Variants in NEGR1 observed in about 807,000 individuals in gnomAD.
The protein encoded by NEGR1 is neuronal growth regulator 1.
A neutral mutation model predicts 40.9 loss-of-function variants in NEGR1; 10 were observed. The observed-to-expected ratio is 0.24, with a 90% CI of 0.15 to 0.42. The LOEUF (loss-of-function observed/expected upper bound fraction) is 0.42. NEGR1 is among the 10% of genes least tolerant of loss of function. NEGR1 has a pLI of 1.00. For synonymous variants in NEGR1, 185 were observed against 166.8 expected (o/e 1.11, Z -0.84); for missense variants, 352 against 438.9 (o/e 0.80, Z 1.77).
intron 1 of NEGR1, among the ~76,000 whole-genome samples, chr1:72,081,158 G>A (rs1450334377): frequency 2.0e-5 from 3 of 152,044 alleles, no homozygotes; most frequent in African/African-American, 7.2e-5. Context: ...CAATTTAGGA[G>A]ATACTAGGAA....
chr1:71,841,627 T>G lies in NEGR1; in HGVS notation c.410-65330A>C, dbSNP rs1036953004. On this transcript the variant is annotated intron_variant, in intron 2 of 6. Coordinates refer to ENST00000357731, the MANE Select transcript of NEGR1 (RefSeq NM_173808.3). ...TCTGCAGCCACACTGGTGGAAAGAT[T>G]AGGTAGCCTCTCAAACCTTCCAGTT... Among the ~76,000 whole-genome samples the G allele has an allele frequency of 2.0e-5, 3 of 152,266 alleles. No homozygotes were observed. In the East Asian group the frequency reaches 5.8e-4, roughly 30 times the overall value.
chr1:71,916,067 GT>G (rs917601714), intron 2 of NEGR1, among the ~76,000 whole-genome samples: 4 of 152,138 alleles, frequency 2.6e-5, no homozygotes, highest in Admixed American at 6.5e-5. Context: ...GAGGGTAAGG[GT>G]GGGCAAAAGA....
chr1:71,597,716 GGC>G (rs1649771142), intron 5 of NEGR1, among the ~76,000 whole-genome samples: 1 of 151,670 alleles, frequency 6.6e-6, no homozygotes, highest in Admixed American at 6.6e-5. Flanking sequence ...ATACCAGCCT[GGC>G]CAACAGGGTG....
intron 6 of NEGR1, among the ~76,000 whole-genome samples, chr1:71,538,358 T>G (rs1195379398): frequency 2.0e-5 from 3 of 151,738 alleles, no homozygotes; most frequent in African/African-American, 7.2e-5. Context: ...AGGTTGTTAT[T>G]TTATCTTTAT....
intron 1 of NEGR1, among the ~76,000 whole-genome samples, chr1:72,277,119 T>C (rs1345491116): frequency 1.3e-5 from 2 of 152,194 alleles, no homozygotes; most frequent in East Asian, 1.9e-4. Context: ...TTCATGATGT[T>C]GTCCCTTCAC....
At chr1:71,987,614 G>C (rs1646406868) in intron 1 of NEGR1, among the ~76,000 whole-genome samples, 1 of 152,198 alleles carries the variant, frequency 6.6e-6, no homozygotes, top group African/African-American at 2.4e-5. Context: ...CATGGGGTTA[G>C]AGCATATTGG....
In NEGR1 at chr1:72,132,443, T is replaced by C. The variant is rs143812582; in HGVS notation, c.176+149876A>G. Among the ~76,000 whole-genome samples the C allele has an allele frequency of 3.9e-3, 593 of 152,264 alleles. 4 individuals are homozygous for C. The highest frequency in any genetic ancestry group is 7.7e-3 in the Admixed American group (117 of 15,254). The stretch of plus-strand genomic sequence containing the variant: ...AAGCATGTTGAAAGTTGAATCCTTA[T>C]GGAGTTTTTGCAGCTAAGCCTTAAA... On this transcript the variant is annotated intron_variant, in intron 1 of 6. Coordinates refer to ENST00000357731, the MANE Select transcript of NEGR1 (RefSeq NM_173808.3).
At chr1:71,560,596 C>T (rs1648423577) in intron 6 of NEGR1, among the ~76,000 whole-genome samples, 2 of 150,890 alleles carry the variant, frequency 1.3e-5, no homozygotes, top group South Asian at 4.2e-4. Context: ...GCACAAATTC[C>T]CTTTCTTTCC....
chr1:71,939,578 A>G (rs1645940838), intron 1 of NEGR1, among the ~76,000 whole-genome samples: 1 of 152,204 alleles, frequency 6.6e-6, no homozygotes. Flanking sequence ...TATATGTAGT[A>G]CAGACAATAA....
At chr1:71,474,070 C>T (rs764132992) in intron 6 of NEGR1, among the ~76,000 whole-genome samples, 1 of 151,894 alleles carries the variant, frequency 6.6e-6, no homozygotes, top group African/African-American at 2.4e-5. Context: ...GTTAACACAA[C>T]TATCATTCAA....
At chr1:71,675,102 CA>C (rs1652573522) in intron 4 of NEGR1, among the ~76,000 whole-genome samples, 1 of 7,716 alleles carries the variant, frequency 1.3e-4, no homozygotes, top group South Asian at 7.2e-3. Context: ...ATATAAAATG[CA>C]TGTTTATTCA....
chr1:71,606,974 G>A (rs1418986689), intron 5 of NEGR1, among the ~76,000 whole-genome samples: 1 of 152,094 alleles, frequency 6.6e-6, no homozygotes, highest in African/African-American at 2.4e-5. Flanking sequence ...TGAAGAGCTG[G>A]CTTTGAAGAT....
intron 1 of NEGR1, among the ~76,000 whole-genome samples, chr1:72,221,934 A>G (rs768170505): frequency 6.6e-6 from 1 of 152,026 alleles, no homozygotes; most frequent in African/African-American, 2.4e-5. Context: ...ACCCACAGAT[A>G]TATGTTCTAG....
intron 1 of NEGR1, among the ~76,000 whole-genome samples, chr1:72,049,746 T>C (rs1190324104): frequency 6.6e-6 from 1 of 151,610 alleles, no homozygotes; most frequent in Non-Finnish European, 1.5e-5. Flanking sequence ...CACCATTTTT[T>C]ACTCATCTTT....
At chr1:71,781,039 C>A (rs890507261) in intron 2 of NEGR1, among the ~76,000 whole-genome samples, 8 of 152,208 alleles carry the variant, frequency 5.3e-5, no homozygotes, top group Admixed American at 2.0e-4. Flanking sequence ...TGTGAGTGCA[C>A]GGCATTATTT....
intron 2 of NEGR1, among the ~76,000 whole-genome samples, chr1:71,786,497 G>A (rs138946597): frequency 1.3e-5 from 2 of 152,040 alleles, no homozygotes; most frequent in Non-Finnish European, 2.9e-5. Flanking sequence ...CCTTCCTTAC[G>A]GGAAACATGT....
At chr1:71,825,981 T>C (rs1406542414) in intron 2 of NEGR1, among the ~76,000 whole-genome samples, 1 of 151,908 alleles carries the variant, frequency 6.6e-6, no homozygotes, top group Non-Finnish European at 1.5e-5. Flanking sequence ...AGAATTTTCA[T>C]TGTCCCAGGT....
chr1:72,091,010 CAT>C (rs1455074343), intron 1 of NEGR1, among the ~76,000 whole-genome samples: 2 of 152,272 alleles, frequency 1.3e-5, no homozygotes, highest in African/African-American at 4.8e-5. Context: ...TTTGTGAAAA[CAT>C]ATATCATCAC....
intron 1 of NEGR1, among the ~76,000 whole-genome samples, chr1:72,260,645 G>T (rs189616181): frequency 7.2e-6 from 1 of 139,848 alleles, no homozygotes; most frequent in Non-Finnish European, 1.5e-5. Flanking sequence ...TTTTCAAACT[G>T]ACTAACTTGC....
Sources: allele counts gnomAD v4.1 joint callset (sites outside exome capture counted in the v4.1 genomes callset), GRCh38; gene constraint gnomAD v4.1.1; transcripts MANE v1.5; gene names NCBI Gene and HGNC (gene_info 2026-07-23, HGNC 2026-07-21).